Variants in PTPRD observed in about 807,000 individuals in gnomAD.
PTPRD encodes protein tyrosine phosphatase receptor type D, also known as receptor-type tyrosine-protein phosphatase delta.
PTPRD carries 34 observed loss-of-function variants against 214.5 expected under a neutral mutation model. The ratio of observed to expected loss-of-function variants is 0.16; its 90% CI spans 0.12 to 0.21. The LOEUF (loss-of-function observed/expected upper bound fraction) is 0.21. PTPRD is among the 10% of genes least tolerant of loss of function. The pLI, the probability that PTPRD is intolerant of heterozygous loss-of-function variation, is 1.00. For synonymous variants in PTPRD, 1,128 were observed against 845.7 expected (o/e 1.33, Z -5.79); for missense variants, 2,545 against 2,398.7 (o/e 1.06, Z -1.27).
chr9:9,079,756 C>T (rs2099756392), intron 10 of PTPRD, among the ~76,000 whole-genome samples: 1 of 152,008 alleles, frequency 6.6e-6, no homozygotes, highest in South Asian at 2.1e-4. Flanking sequence ...AATATGTATG[C>T]ACTTATGTAC....
chr9:8,465,001 CA>C (rs992224086), intron 32 of PTPRD, among the ~76,000 whole-genome samples: 1 of 151,890 alleles, frequency 6.6e-6, no homozygotes, highest in African/African-American at 2.4e-5. Flanking sequence ...CAATCACCCC[CA>C]AAGTCAGTAT....
chr9:9,880,873 A>G (rs1483275458), intron 5 of PTPRD, among the ~76,000 whole-genome samples: 1 of 152,046 alleles, frequency 6.6e-6, no homozygotes, highest in South Asian at 2.1e-4. Context: ...ACTGTCTGAA[A>G]CTGACTTTTG....
chr9:10,026,856 T>C (rs1473127348), intron 4 of PTPRD, among the ~76,000 whole-genome samples: 2 of 149,868 alleles, frequency 1.3e-5, no homozygotes, highest in Non-Finnish European at 3.0e-5. Context: ...CTTGGTTTAG[T>C]GAGTGTCTTT....
intron 4 of PTPRD, among the ~76,000 whole-genome samples, chr9:9,981,806 A>G (rs1449771287): frequency 6.6e-6 from 1 of 152,198 alleles, no homozygotes; most frequent in Non-Finnish European, 1.5e-5. Flanking sequence ...CTTCATTTCC[A>G]TAACAACTAT....
intron 7 of PTPRD, among the ~76,000 whole-genome samples, chr9:9,598,729 C>T (rs1342156192): frequency 6.6e-6 from 1 of 151,918 alleles, no homozygotes; most frequent in African/African-American, 2.4e-5. Flanking sequence ...GTAAGCATAA[C>T]TTTTAATGCC....
chr9:8,407,412 A>C (rs1006717948), intron 35 of PTPRD, among the ~76,000 whole-genome samples: 3 of 152,186 alleles, frequency 2.0e-5, no homozygotes, highest in African/African-American at 7.2e-5. Flanking sequence ...CTTGGTACTT[A>C]AGTAATTTGG....
At chr9:10,601,305 A>G (rs1471963685) in intron 2 of PTPRD, among the ~76,000 whole-genome samples, 1 of 151,682 alleles carries the variant, frequency 6.6e-6, no homozygotes, top group Non-Finnish European at 1.5e-5. Flanking sequence ...GATTTAAAAA[A>G]AAAATGTTGG....
intron 3 of PTPRD, among the ~76,000 whole-genome samples, chr9:10,269,863 C>T (rs1359723659): frequency 2.0e-5 from 3 of 151,990 alleles, no homozygotes; most frequent in Non-Finnish European, 2.9e-5. Flanking sequence ...TTAAAAACTG[C>T]TTTAATACTT....
intron 2 of PTPRD, among the ~76,000 whole-genome samples, chr9:10,550,582 C>A (rs2061102514): frequency 6.6e-6 from 1 of 152,128 alleles, no homozygotes; most frequent in Non-Finnish European, 1.5e-5. Context: ...GACAGGAAGG[C>A]TGGTAAAATT....
At chr9:9,147,222 A>T (rs1436752936) in intron 10 of PTPRD, among the ~76,000 whole-genome samples, 2 of 151,998 alleles carry the variant, frequency 1.3e-5, no homozygotes, top group African/African-American at 2.4e-5. Context: ...GAATAATGAT[A>T]AATAATCCAA....
At chr9:8,898,107 C>G (rs755621403) in intron 11 of PTPRD, among the ~76,000 whole-genome samples, 7 of 152,136 alleles carry the variant, frequency 4.6e-5, no homozygotes, top group Non-Finnish European at 8.8e-5. Flanking sequence ...ACTCTCTTTC[C>G]TGAAAGTTTC....
chr9:9,136,765 G>A (rs1035554947), intron 10 of PTPRD, among the ~76,000 whole-genome samples: 2 of 152,134 alleles, frequency 1.3e-5, no homozygotes, highest in Non-Finnish European at 2.9e-5. Flanking sequence ...CAATCATTAT[G>A]TTCTTTGTCT....
intron 11 of PTPRD, among the ~76,000 whole-genome samples, chr9:8,740,727 T>C (rs1376675659): frequency 1.3e-5 from 2 of 151,570 alleles, no homozygotes; most frequent in Non-Finnish European, 2.9e-5. Context: ...GCCCTAAACA[T>C]GTTTTTATGA....
intron 8 of PTPRD, among the ~76,000 whole-genome samples, chr9:9,423,714 CA>C (rs1169682148): frequency 6.6e-6 from 1 of 151,874 alleles, no homozygotes; most frequent in African/African-American, 2.4e-5. Flanking sequence ...TTCTAAAATG[CA>C]AAAAACTGCA....
At chr9:8,813,322 C>T (rs2096853612) in intron 11 of PTPRD, among the ~76,000 whole-genome samples, 1 of 152,098 alleles carries the variant, frequency 6.6e-6, no homozygotes, top group Admixed American at 6.6e-5. Context: ...AAAGGAATAG[C>T]TTATCAGAAT....
chr9:10,351,219 T>C (rs753349135), intron 2 of PTPRD, among the ~76,000 whole-genome samples: 4 of 152,304 alleles, frequency 2.6e-5, no homozygotes, highest in Middle Eastern at 6.8e-3. Context: ...TTTTTTTTAA[T>C]CATCTACTAT....
intron 5 of PTPRD, among the ~76,000 whole-genome samples, chr9:9,810,252 G>A (rs1475532589): frequency 6.6e-6 from 1 of 151,436 alleles, no homozygotes; most frequent in Non-Finnish European, 1.5e-5. Flanking sequence ...TACAAAATAT[G>A]TGTTAATCAA....
chr9:9,832,518 T>C (rs916769137), intron 5 of PTPRD, among the ~76,000 whole-genome samples: 1 of 152,060 alleles, frequency 6.6e-6, no homozygotes, highest in Non-Finnish European at 1.5e-5. Context: ...TTAATTTATG[T>C]GTCCTCCCTC....
intron 5 of PTPRD, among the ~76,000 whole-genome samples, chr9:9,837,670 G>C (rs968745059): frequency 6.6e-6 from 1 of 152,122 alleles, no homozygotes; most frequent in East Asian, 1.9e-4. Context: ...AGTGACATGA[G>C]GGGAGTGGCT....
Sources: gnomAD v4.1 joint callset for allele counts (sites outside exome capture counted in the v4.1 genomes callset) on GRCh38, gnomAD v4.1.1 for gene constraint, MANE v1.5 for transcripts, NCBI Gene and HGNC (gene_info 2026-07-23, HGNC 2026-07-21) for gene names.